The following LRP1B variants were observed in gnomAD, a reference collection of about 807,000 sequenced individuals.
LRP1B encodes LDL receptor related protein 1B.
A neutral mutation model predicts 556.6 loss-of-function variants in LRP1B; 217 were observed. The observed-to-expected ratio is 0.39, with a 90% CI of 0.35 to 0.44. The LOEUF (loss-of-function observed/expected upper bound fraction) is 0.44. LRP1B is among the 20% of genes least tolerant of loss of function. The pLI, the probability that LRP1B is intolerant of heterozygous loss-of-function variation, is 1.00. For missense variants in LRP1B, 5,053 were observed against 5,620.8 expected, an observed-to-expected ratio of 0.90 and a Z score of 3.23; for synonymous variants, 2,047 against 1,865.8, an observed-to-expected ratio of 1.10 and a Z score of -2.50.
intron 1 of LRP1B, among the ~76,000 whole-genome samples, chr2:141,922,481 C>A (rs1480571982): frequency 2.0e-5 from 3 of 152,168 alleles, no homozygotes; most frequent in African/African-American, 7.2e-5. Flanking sequence ...TCTATATTAC[C>A]ATTCTAATAA....
chr2:140,621,371 C>T (rs139141082), intron 41 of LRP1B, among the ~76,000 whole-genome samples: 5,834 of 123,788 alleles, frequency 0.047, 166 homozygotes, highest in Middle Eastern at 0.12. Context: ...GGTGACAGAG[C>T]GAGACTCTGT....
At chr2:140,755,193 A>T (rs888737892) in intron 35 of LRP1B, among the ~76,000 whole-genome samples, 2 of 152,098 alleles carry the variant, frequency 1.3e-5, no homozygotes, top group African/African-American at 4.8e-5. Flanking sequence ...GAATCCCTCA[A>T]ATCCCAAGAA....
intron 46 of LRP1B, among the ~76,000 whole-genome samples, chr2:140,534,675 G>T (rs1310823115): frequency 6.6e-6 from 1 of 152,182 alleles, no homozygotes; most frequent in Non-Finnish European, 1.5e-5. Flanking sequence ...ATTACCTTCT[G>T]AGTTCTATTT....
intron 1 of LRP1B, among the ~76,000 whole-genome samples, chr2:142,029,300 T>A (rs962674221): frequency 9.2e-5 from 14 of 151,856 alleles, no homozygotes; most frequent in Non-Finnish European, 1.2e-4. Context: ...AAAAGAATAA[T>A]TTAAAAAATA....
intron 2 of LRP1B, among the ~76,000 whole-genome samples, chr2:141,602,894 T>C (rs1687798615): frequency 6.6e-6 from 1 of 152,232 alleles, no homozygotes; most frequent in African/African-American, 2.4e-5. Flanking sequence ...TTTTTGTGTA[T>C]AAAATGCCAG....
At chr2:141,853,324 T>C (rs1307310822) in intron 1 of LRP1B, among the ~76,000 whole-genome samples, 2 of 151,642 alleles carry the variant, frequency 1.3e-5, no homozygotes, top group Non-Finnish European at 3.0e-5. Context: ...GTTATAACGG[T>C]TATGAAGAAT....
chr2:140,911,712 T>C (rs1368937743), intron 21 of LRP1B, among the ~76,000 whole-genome samples: 1 of 151,818 alleles, frequency 6.6e-6, no homozygotes, highest in Admixed American at 6.6e-5. Context: ...ATGAAGTCAT[T>C]TGCAAGAGTT....
intron 3 of LRP1B, among the ~76,000 whole-genome samples, chr2:141,371,824 T>C (rs1240660095): frequency 6.6e-6 from 1 of 152,120 alleles, no homozygotes; most frequent in South Asian, 2.1e-4. Context: ...CAGAGATAAT[T>C]TGACTTTCCC....
intron 3 of LRP1B, among the ~76,000 whole-genome samples, chr2:141,261,410 G>A (rs1394739899): frequency 6.6e-6 from 1 of 152,006 alleles, no homozygotes; most frequent in Non-Finnish European, 1.5e-5. Flanking sequence ...CACGTACAAT[G>A]CTGCAAGTTT....
chr2:140,808,148 C>A (rs1011970372), intron 32 of LRP1B, among the ~76,000 whole-genome samples: 2 of 152,002 alleles, frequency 1.3e-5, no homozygotes, highest in South Asian at 2.1e-4. Context: ...ATGTTCAGAG[C>A]TATAGGTTGG....
chr2:141,929,417 G>C (rs1574501453), intron 1 of LRP1B, among the ~76,000 whole-genome samples: 1 of 152,078 alleles, frequency 6.6e-6, no homozygotes, highest in South Asian at 2.1e-4. Context: ...TGATGTTACA[G>C]TGGAGAAGTC....
At chr2:141,023,213 T>C (rs12475929) in intron 11 of LRP1B, among the ~76,000 whole-genome samples, 16,717 of 151,880 alleles carry the variant, frequency 0.11, 1,009 homozygotes, top group East Asian at 0.22. Flanking sequence ...GTTCTAGTAA[T>C]TTCAAAATAA....
At chr2:141,310,705 C>A (rs1158548402) in intron 3 of LRP1B, among the ~76,000 whole-genome samples, 1 of 151,968 alleles carries the variant, frequency 6.6e-6, no homozygotes, top group African/African-American at 2.4e-5. Flanking sequence ...TGAACAGAAC[C>A]AATACACTTT....
chr2:140,924,975 A>G (rs1257961202), intron 20 of LRP1B, among the ~76,000 whole-genome samples: 1 of 152,150 alleles, frequency 6.6e-6, no homozygotes. Context: ...AAATATCTGG[A>G]AAAAGAAAAC....
At chr2:140,639,721 G>A (rs952789285) in intron 41 of LRP1B, among the ~76,000 whole-genome samples, 6 of 152,058 alleles carry the variant, frequency 3.9e-5, no homozygotes, top group Non-Finnish European at 5.9e-5. Flanking sequence ...ACTGCTACAA[G>A]GCATATAGTA....
intron 66 of LRP1B, 148 bp from the exon 67 acceptor site, chr2:140,386,157 G>A: frequency 1.6e-6 from 1 of 630,796 alleles, no homozygotes. Flanking sequence ...GAAGGCAAGT[G>A]CTGAGGAAAA....
At chr2:141,057,290 C>A (rs911831909) in intron 9 of LRP1B, among the ~76,000 whole-genome samples, 1 of 151,844 alleles carries the variant, frequency 6.6e-6, no homozygotes, top group Non-Finnish European at 1.5e-5. Flanking sequence ...TATGGTCCTC[C>A]TTTGTTTCTC....
intron 43 of LRP1B, among the ~76,000 whole-genome samples, chr2:140,556,476 T>G (rs1296506224): frequency 6.6e-6 from 1 of 152,072 alleles, no homozygotes; most frequent in Non-Finnish European, 1.5e-5. Context: ...ACCCCACAAC[T>G]ATCCACTTCG....
chr2:140,491,962 G>C (rs1269637476), intron 57 of LRP1B, among the ~76,000 whole-genome samples: 1 of 152,134 alleles, frequency 6.6e-6, no homozygotes, highest in Non-Finnish European at 1.5e-5. Flanking sequence ...GGAGAGCAGG[G>C]CTCTCTATCA....
Sources: gnomAD v4.1 joint callset for allele counts (sites outside exome capture counted in the v4.1 genomes callset) on GRCh38, gnomAD v4.1.1 for gene constraint, MANE v1.5 for transcripts, NCBI Gene and HGNC (gene_info 2026-07-23, HGNC 2026-07-21) for gene names.